Variants in RBFOX1 observed in about 807,000 individuals in gnomAD.
The protein encoded by RBFOX1 is RNA binding protein fox-1 homolog 1.
A neutral mutation model predicts 57.7 loss-of-function variants in RBFOX1; 8 were observed. That is an observed-to-expected ratio of 0.14 (90% CI 0.08 to 0.25). The LOEUF is 0.25. Among genes scored for constraint, RBFOX1 ranks in the 10% least tolerant of loss-of-function variants. The pLI is 1.00. For missense variants in RBFOX1, 611 were observed against 548.5 expected (o/e 1.11, Z -1.14); for synonymous variants, 326 against 222.4 (o/e 1.47, Z -4.15).
intron 4 of RBFOX1, among the ~76,000 whole-genome samples, chr16:7,195,857 G>T (rs2086573314): frequency 6.6e-6 from 1 of 152,056 alleles, no homozygotes; most frequent in African/African-American, 2.4e-5. Context: ...CCAGCTCGAT[G>T]CTCATAATTT....
chr16:7,131,651 C>G (rs1469731050), intron 4 of RBFOX1, among the ~76,000 whole-genome samples: 1 of 151,712 alleles, frequency 6.6e-6, no homozygotes, highest in Non-Finnish European at 1.5e-5. Flanking sequence ...ATGAGATAGG[C>G]AGAGCTTCCT....
At chr16:7,364,906 T>C (rs1222798130) in intron 4 of RBFOX1, among the ~76,000 whole-genome samples, 1 of 152,238 alleles carries the variant, frequency 6.6e-6, no homozygotes, top group Non-Finnish European at 1.5e-5. Context: ...GAAGGTGTAA[T>C]GGATACTAGT....
intron 3 of RBFOX1, among the ~76,000 whole-genome samples, chr16:5,768,929 A>G (rs2053883163): frequency 6.6e-6 from 1 of 152,092 alleles, no homozygotes; most frequent in Admixed American, 6.5e-5. Context: ...GGTTTAGATT[A>G]TCAGATGAAA....
intron 1 of RBFOX1, among the ~76,000 whole-genome samples, chr16:6,150,013 G>A (rs2096786604): frequency 6.6e-6 from 1 of 152,192 alleles, no homozygotes; most frequent in Non-Finnish European, 1.5e-5. Flanking sequence ...CCTGAAATGT[G>A]AGCATTTCTC....
chr16:6,859,704 A>G lies in RBFOX1; in HGVS notation c.-15-192353A>G, dbSNP rs186566079. 1.1e-4 allele frequency among the ~76,000 whole-genome samples: 16 copies of G among 152,328 alleles called. No homozygotes were observed. In the East Asian group the frequency reaches 3.1e-3, roughly 29 times the overall value. ...TTCAAATTTTTTAATCGACTACGGT[A>G]TCAGCAAAATGAGAAATGTCTTTCA... is the stretch of plus-strand genomic sequence containing the variant. On this transcript the variant is annotated intron_variant, in intron 3 of 15. Transcript: ENST00000550418.
At chr16:5,329,770 C>T (rs142867599) in intron 1 of RBFOX1, among the ~76,000 whole-genome samples, 4,013 of 152,196 alleles carry the variant, frequency 0.026, 184 homozygotes, top group African/African-American at 0.091. Context: ...GAGGCTGAGG[C>T]GGGTGGATCA....
intron 4 of RBFOX1, chr16:7,304,501 G>T: frequency 1.0e-6 from 1 of 985,314 alleles, no homozygotes; most frequent in Non-Finnish European, 1.2e-6. Flanking sequence ...GCGCGCGTCT[G>T]CCCTCGGTGG....
At chr16:6,500,882 T>TGTTTGTTTGTTTGTTTG (rs1355896716) in intron 2 of RBFOX1, among the ~76,000 whole-genome samples, 5 of 135,220 alleles carry the variant, frequency 3.7e-5, no homozygotes, top group Non-Finnish European at 7.9e-5. Context: ...AGTAGTTTTT[T>TGTTTGTTTGTTTGTTTG]TTTTTTTTTT....
intron 3 of RBFOX1, among the ~76,000 whole-genome samples, chr16:5,745,022 C>A (rs780024243): frequency 6.6e-6 from 1 of 152,090 alleles, no homozygotes; most frequent in Non-Finnish European, 1.5e-5. Flanking sequence ...TATACGTGTG[C>A]CCTGTTGGTG....
chr16:6,207,318 A>C (rs2097261925), intron 1 of RBFOX1, among the ~76,000 whole-genome samples: 1 of 152,210 alleles, frequency 6.6e-6, no homozygotes, highest in African/African-American at 2.4e-5. Flanking sequence ...AATCTATAGA[A>C]AGCCATAAAT....
chr16:6,486,022 T>TC (rs1006810511), intron 2 of RBFOX1, among the ~76,000 whole-genome samples: 143 of 151,674 alleles, frequency 9.4e-4, no homozygotes, highest in Admixed American at 2.0e-3. Flanking sequence ...TTTTTCTTTT[T>TC]TTTTTTCCTC....
intron 4 of RBFOX1, among the ~76,000 whole-genome samples, chr16:7,224,889 G>A (rs1288952245): frequency 1.3e-5 from 2 of 152,170 alleles, no homozygotes; most frequent in East Asian, 1.9e-4. Context: ...ACTTCCAGGT[G>A]ATTTCATGTA....
chr16:6,991,298 TCAAAA>T (rs2091408231), intron 3 of RBFOX1, among the ~76,000 whole-genome samples: 1 of 152,072 alleles, frequency 6.6e-6, no homozygotes, highest in South Asian at 2.1e-4. Flanking sequence ...AGACCTTGTC[TCAAAA>T]CAAAAGTTGG....
chr16:5,466,522 G>C (rs529769182), intron 1 of RBFOX1, among the ~76,000 whole-genome samples: 111 of 152,318 alleles, frequency 7.3e-4, no homozygotes, highest in African/African-American at 2.5e-3. Context: ...CCTCAAGGCA[G>C]CTAGGGTTTC....
At chr16:7,421,661 T>A (rs1052136026) in intron 4 of RBFOX1, among the ~76,000 whole-genome samples, 1 of 152,236 alleles carries the variant, frequency 6.6e-6, no homozygotes, top group Non-Finnish European at 1.5e-5. Context: ...TACTCAGTGC[T>A]TACTGTCCCA....
intron 4 of RBFOX1, among the ~76,000 whole-genome samples, chr16:7,467,509 A>G (rs753850718): frequency 1.3e-5 from 2 of 152,192 alleles, no homozygotes; most frequent in African/African-American, 4.8e-5. Flanking sequence ...AGGGCAGTAT[A>G]ATATAATGGG....
At chr16:6,777,959 A>G (rs1394666819) in intron 3 of RBFOX1, among the ~76,000 whole-genome samples, 2 of 152,290 alleles carry the variant, frequency 1.3e-5, no homozygotes, top group East Asian at 3.9e-4. Context: ...TAATATCTGA[A>G]TGTGAGCAGC....
chr16:7,067,317 T>C (rs925877763), intron 4 of RBFOX1, among the ~76,000 whole-genome samples: 4 of 150,904 alleles, frequency 2.7e-5, no homozygotes, highest in African/African-American at 7.3e-5. Flanking sequence ...ACAAAAAAAA[T>C]AGTGGTTTAT....
At chr16:7,053,814 A>G (rs1373664084) in intron 4 of RBFOX1, among the ~76,000 whole-genome samples, 1 of 152,202 alleles carries the variant, frequency 6.6e-6, no homozygotes, top group Non-Finnish European at 1.5e-5. Flanking sequence ...CATCTCTAAC[A>G]TCACGAACCA....
Sources: gnomAD v4.1 joint callset for allele counts (sites outside exome capture counted in the v4.1 genomes callset) on GRCh38, gnomAD v4.1.1 for gene constraint, MANE v1.5 for transcripts, NCBI Gene and HGNC (gene_info 2026-07-23, HGNC 2026-07-21) for gene names.